The following PSMF1 variants were observed in gnomAD, a reference collection of about 807,000 sequenced individuals.
PSMF1 encodes proteasome inhibitor PI31 subunit.
Under a neutral mutation model 29.3 loss-of-function variants are expected in PSMF1, and 30 were observed. The ratio of observed to expected loss-of-function variants is 1.02; its 90% CI spans 0.77 to 1.39. The LOEUF (loss-of-function observed/expected upper bound fraction) is 1.39. Ranked by LOEUF, PSMF1 falls within the 40% of genes most tolerant of loss-of-function variation. The pLI, the probability that PSMF1 is intolerant of heterozygous loss-of-function variation, is 0.00. For missense variants in PSMF1, 344 were observed against 357.5 expected, an observed-to-expected ratio of 0.96 and a Z score of 0.31; for synonymous variants, 134 against 139.7, an observed-to-expected ratio of 0.96 and a Z score of 0.29.
In PSMF1 at chr20:1,125,668, G is replaced by A. The variant is rs372874512; in HGVS notation, c.282+18G>A. 81 of 1,603,174 alleles carry A rather than the reference G, an allele frequency of 5.1e-5. No individual in the cohort carries two copies. The South Asian group carries it at 6.6e-4, about 13-fold the overall frequency. On this transcript the variant is annotated intron_variant, in intron 2 of 6. Transcript: ENST00000335877. ...ATGTGCTGGTGAGTCTCTGGGACACGTGAGTCTGCTGATGAGATGGGGATA... is the reference window on the plus strand; with the variant it reads ...ATGTGCTGGTGAGTCTCTGGGACACATGAGTCTGCTGATGAGATGGGGATA...
rs560838371 is a variant in PSMF1, at chr20:1,142,514, T to C, written c.551+7208T>C. On this transcript the variant is annotated intron_variant, in intron 4 of 6. Transcript: ENST00000335877. ...CAATTCCCACCTATGAGTGAGAACA[T>C]GCAGTGTTTGGTTTTTTGCCCTTGC... 1.5e-4 allele frequency among the ~76,000 whole-genome samples: 23 copies of C among 150,020 alleles called. No homozygotes were observed. The South Asian group carries it at 4.1e-3, about 27-fold the overall frequency.
chr20:1,148,883 T>C (rs2086489990), intron 4 of PSMF1, among the ~76,000 whole-genome samples: 1 of 152,328 alleles, frequency 6.6e-6, no homozygotes, highest in Non-Finnish European at 1.5e-5. Context: ...ATATGGGTTA[T>C]ATGTAGCAAT....
At chr20:1,117,618 A>C (rs1323588482), upstream of PSMF1, among the ~76,000 whole-genome samples, 1 of 152,206 alleles carries the variant, frequency 6.6e-6, no homozygotes, top group Non-Finnish European at 1.5e-5. Context: ...TGCTGGGATT[A>C]CAGGCATGAG....
chr20:1,155,572 C>T (rs963886146), intron 4 of PSMF1, among the ~76,000 whole-genome samples: 5 of 152,294 alleles, frequency 3.3e-5, no homozygotes, highest in African/African-American at 7.2e-5. Flanking sequence ...GACCACAGAG[C>T]GGGAGGAGCT....
In PSMF1 at chr20:1,118,693, T is replaced by C. The variant is rs562329839; in HGVS notation, c.-81T>C. ...CCAGCGCAAGAGGGAAGCAGAGTTA[T>C]AGCTACCCCGGCCGCGGAGCCGGCT... is the stretch of plus-strand genomic sequence containing the variant. On this transcript the variant is annotated 5_prime_UTR_variant, in exon 1 of 7. Transcript: ENST00000335877. 9.5e-6 allele frequency: 14 copies of C among 1,478,262 alleles called. No homozygotes were observed. The East Asian group carries it at 1.4e-4, about 15-fold the overall frequency. 91.6% of individuals were successfully genotyped at this position (1,478,262 alleles called of 1,614,324 possible).
At chr20:1,150,222 C>T (rs530566753) in intron 4 of PSMF1, among the ~76,000 whole-genome samples, 34 of 151,698 alleles carry the variant, frequency 2.2e-4, no homozygotes, top group Admixed American at 5.3e-4. Context: ...TCCCACTTCA[C>T]GCAGAATATT....
At chr20:1,149,770 C>T (rs940335544) in intron 4 of PSMF1, among the ~76,000 whole-genome samples, 6 of 152,116 alleles carry the variant, frequency 3.9e-5, no homozygotes, top group African/African-American at 1.4e-4. Flanking sequence ...GTGTGGTGGC[C>T]CACACCTGTA....
At chr20:1,133,569 A>ATATATATATTTTTTTTTTTTT in intron 3 of PSMF1, among the ~76,000 whole-genome samples, 1 of 53,302 alleles carries the variant, frequency 1.9e-5, no homozygotes, top group Non-Finnish European at 4.6e-5. Context: ...ATATATATAT[A>ATATATATATTTTTTTTTTTTT]TTTTTTTTTT....
At chr20:1,123,954 T>C (rs2086121976) in intron 1 of PSMF1, among the ~76,000 whole-genome samples, 1 of 152,264 alleles carries the variant, frequency 6.6e-6, no homozygotes, top group Non-Finnish European at 1.5e-5. Context: ...AATAACTCTT[T>C]AGACACTATT....
intron 4 of PSMF1, among the ~76,000 whole-genome samples, chr20:1,155,545 A>G (rs1020358468): frequency 2.0e-5 from 3 of 152,254 alleles, no homozygotes; most frequent in Admixed American, 6.5e-5. Context: ...TTCCAAGGAA[A>G]TGGAAAGTAC....
upstream of PSMF1, chr20:1,118,556 A>T (rs2072964): frequency 2.7e-5 from 13 of 489,092 alleles, no homozygotes; most frequent in Admixed American, 7.6e-5. Flanking sequence ...CGCGTTGCCA[A>T]CCCGGCGCGC....
In PSMF1 at chr20:1,135,336, A is replaced by G. The variant is rs199926929; in HGVS notation, c.551+30A>G. 2.9e-5 allele frequency: 45 copies of G among 1,578,866 alleles called. No individual in the cohort carries two copies. In the East Asian group the frequency reaches 8.3e-4, roughly 29 times the overall value. On this transcript the variant is annotated intron_variant, in intron 4 of 6. Coordinates refer to ENST00000335877, the MANE Select transcript of PSMF1 (RefSeq NM_006814.5). ...GTACAGAGTGCCTAGCGGGAAGCCCATGCTTCTGTAGAGGGATTCCAGCCA... is the reference window on the plus strand; with the variant it reads ...GTACAGAGTGCCTAGCGGGAAGCCCGTGCTTCTGTAGAGGGATTCCAGCCA...
intron 3 of PSMF1, among the ~76,000 whole-genome samples, chr20:1,130,636 T>TA (rs1189163715): frequency 2.8e-4 from 42 of 152,296 alleles, no homozygotes; most frequent in African/African-American, 9.4e-4. Flanking sequence ...TTTAGTAAAA[T>TA]GTTTTTTTTG....
chr20:1,149,712 A>G (rs1271732688), intron 4 of PSMF1, among the ~76,000 whole-genome samples: 1 of 152,228 alleles, frequency 6.6e-6, no homozygotes, highest in African/African-American at 2.4e-5. Flanking sequence ...TTTCATCATG[A>G]CAACATTGTG....
Position 1,135,242 on chromosome 20 carries a change from G to C in PSMF1, c.487G>C (p.Ala163Pro), listed in dbSNP as rs771212362. 6.2e-7 allele frequency: 1 copy of C among 1,613,914 alleles called. No homozygotes were observed. Among genetic ancestry groups the C allele is most frequent in the East Asian group, 2.2e-5 (1 of 44,878 alleles). ...SPHREFPPAT[A>P]REVDPLRIPP... Reference sequence around the variant, plus strand: ...CCACCGGGAGTTCCCCCCTGCTACCGCCAGAGAGGTGGACCCACTCCGGAT... The same window carrying C: ...CCACCGGGAGTTCCCCCCTGCTACCCCCAGAGAGGTGGACCCACTCCGGAT... The change falls in exon 4 of 7, where the codon GCC becomes CCC. Residue 163 changes from alanine to proline, a missense_variant. Physicochemically the swap from Ala to Pro is conservative, Grantham distance 27 (BLOSUM62 -1). Coordinates refer to ENST00000335877, the MANE Select transcript of PSMF1 (RefSeq NM_006814.5).
intron 4 of PSMF1, among the ~76,000 whole-genome samples, chr20:1,144,386 C>T (rs528813173): frequency 1.3e-5 from 2 of 152,196 alleles, no homozygotes; most frequent in African/African-American, 2.4e-5. Flanking sequence ...AAAAACTAAA[C>T]GTGTACATAA....
In PSMF1 at chr20:1,170,596, G is replaced by A. The variant is rs2086780459; in HGVS notation, c.*5516G>A. ...CAGTAATTTGCTCAGGGTCAAGCAGGAGTCTCAGACTCAGTCAAGCGTGGT... is the reference window on the plus strand; with the variant it reads ...CAGTAATTTGCTCAGGGTCAAGCAGAAGTCTCAGACTCAGTCAAGCGTGGT... On this transcript the variant is annotated 3_prime_UTR_variant, in exon 7 of 7. Coordinates refer to ENST00000335877, the MANE Select transcript of PSMF1 (RefSeq NM_006814.5). 6.6e-6 allele frequency among the ~76,000 whole-genome samples: 1 copy of A among 152,120 alleles called. No individual in the cohort carries two copies. The highest frequency in any genetic ancestry group is 6.5e-5 in the Admixed American group (1 of 15,280).
intron 4 of PSMF1, among the ~76,000 whole-genome samples, chr20:1,138,727 A>C (rs984166508): frequency 2.0e-5 from 3 of 151,740 alleles, no homozygotes; most frequent in Admixed American, 6.6e-5. Context: ...TAGGGTGCTG[A>C]GGTGAAAGGG....
intron 3 of PSMF1, 71 bp downstream of exon 3, chr20:1,127,579 TG>T: frequency 8.0e-7 from 1 of 1,257,730 alleles, no homozygotes; most frequent in Non-Finnish European, 1.2e-6. Flanking sequence ...AGGAATAGGG[TG>T]GATGTGTCCA....
Sources: gnomAD v4.1 joint callset for allele counts (sites outside exome capture counted in the v4.1 genomes callset) on GRCh38, gnomAD v4.1.1 for gene constraint, MANE v1.5 for transcripts, NCBI Gene and HGNC (gene_info 2026-07-23, HGNC 2026-07-21) for gene names.